The following RBFOX1 variants were observed in gnomAD, a reference collection of about 807,000 sequenced individuals.
The protein encoded by RBFOX1 is RNA binding fox-1 homolog 1.
RBFOX1 carries 8 observed loss-of-function variants against 57.7 expected under a neutral mutation model. That is an observed-to-expected ratio of 0.14 (90% CI 0.08 to 0.25). The LOEUF is 0.25. Ranked by LOEUF, RBFOX1 falls within the 10% of genes least tolerant of loss-of-function variation. RBFOX1 has a pLI of 1.00. For missense variants in RBFOX1, 611 were observed against 548.5 expected (o/e 1.11, Z -1.14); for synonymous variants, 326 against 222.4 (o/e 1.47, Z -4.15).
chr16:5,752,423 A>T (rs1168828722), intron 3 of RBFOX1, among the ~76,000 whole-genome samples: 1 of 152,222 alleles, frequency 6.6e-6, no homozygotes, highest in African/African-American at 2.4e-5. Context: ...GTATCCTTTA[A>T]CTTAAATGAG....
chr16:7,005,074 G>A (rs1210730636), intron 3 of RBFOX1, among the ~76,000 whole-genome samples: 3 of 152,162 alleles, frequency 2.0e-5, no homozygotes, highest in Admixed American at 1.3e-4. Flanking sequence ...AATCCAGGAG[G>A]CAGAAGTTGC....
intron 3 of RBFOX1, among the ~76,000 whole-genome samples, chr16:6,960,415 C>T (rs1242934054): frequency 1.3e-5 from 2 of 152,164 alleles, no homozygotes. Flanking sequence ...TTTCCCAGGC[C>T]TTCTCCCTGT....
chr16:7,653,520 A>G (rs1287237125), intron 11 of RBFOX1, among the ~76,000 whole-genome samples: 1 of 152,184 alleles, frequency 6.6e-6, no homozygotes, highest in East Asian at 1.9e-4. Context: ...AAACTCATTA[A>G]TTAAATACTC....
intron 1 of RBFOX1, among the ~76,000 whole-genome samples, chr16:6,210,745 A>C (rs1418147064): frequency 6.6e-6 from 1 of 152,142 alleles, no homozygotes; most frequent in Non-Finnish European, 1.5e-5. Flanking sequence ...AAGAAAAGAA[A>C]AGAAAAGAAA....
rs758130200 is a variant in RBFOX1, at chr16:7,607,320, A to G, written c.658A>G (p.Ser220Gly). 5 of 1,611,148 alleles carry G rather than the reference A, an allele frequency of 3.1e-6. No individual in the cohort carries two copies. The highest frequency in any genetic ancestry group is 4.2e-6 in the Non-Finnish European group (5 of 1,179,338). ...GAATCCAGTTGTGGGTGCAGTCTACAGTCCCGAATTCTATGCAGGTACAGA... is the reference window on the plus strand; with the variant it reads ...GAATCCAGTTGTGGGTGCAGTCTACGGTCCCGAATTCTATGCAGGTACAGA... ...KLNPVVGAVY[S>G]PEFYAGTVLL... The change falls in exon 10 of 16, where the codon AGT (serine) becomes GGT (glycine). Residue 220 changes from serine (S) to glycine (G), a missense_variant. By Grantham distance (56) the Ser-to-Gly change is moderately conservative. Transcript: ENST00000550418.
intron 1 of RBFOX1, among the ~76,000 whole-genome samples, chr16:6,132,287 C>G (rs1021520553): frequency 1.3e-5 from 2 of 151,132 alleles, no homozygotes; most frequent in African/African-American, 4.9e-5. Flanking sequence ...TTAGGTGGAG[C>G]TCTGTGACTA....
At chr16:5,729,818 T>C (rs977591539) in intron 3 of RBFOX1, among the ~76,000 whole-genome samples, 13 of 152,178 alleles carry the variant, frequency 8.5e-5, no homozygotes, top group Admixed American at 2.6e-4. Flanking sequence ...TTGGTGACTT[T>C]CATTGCCTTT....
intron 3 of RBFOX1, among the ~76,000 whole-genome samples, chr16:6,895,880 C>T (rs1481943752): frequency 6.6e-6 from 1 of 151,902 alleles, no homozygotes; most frequent in Non-Finnish European, 1.5e-5. Context: ...TAGTACTCAT[C>T]CTCTTATGTC....
At chr16:5,658,126 C>A (rs189492839) in intron 3 of RBFOX1, among the ~76,000 whole-genome samples, 3 of 152,240 alleles carry the variant, frequency 2.0e-5, no homozygotes, top group Admixed American at 2.0e-4. Context: ...AGTTGTTGAG[C>A]AAAGCAATGC....
intron 1 of RBFOX1, among the ~76,000 whole-genome samples, chr16:6,238,357 G>A (rs556570103): frequency 5.5e-4 from 84 of 152,108 alleles, no homozygotes; most frequent in African/African-American, 1.8e-3. Context: ...CATTACAGGC[G>A]CCCAGCAGCA....
chr16:6,054,774 A>C (rs376445430), intron 1 of RBFOX1, among the ~76,000 whole-genome samples: 57 of 152,076 alleles, frequency 3.7e-4, no homozygotes, highest in African/African-American at 1.3e-3. Flanking sequence ...TATATTGGCT[A>C]CTTTTTTTAT....
chr16:7,271,962 C>T (rs963311906), intron 4 of RBFOX1, among the ~76,000 whole-genome samples: 1 of 152,166 alleles, frequency 6.6e-6, no homozygotes, highest in African/African-American at 2.4e-5. Context: ...TGTGGTATCA[C>T]CACCTATTCC....
At chr16:6,377,778 A>G (rs1197327246) in intron 2 of RBFOX1, among the ~76,000 whole-genome samples, 3 of 152,356 alleles carry the variant, frequency 2.0e-5, no homozygotes, top group East Asian at 1.9e-4. Flanking sequence ...TCAGGAATGT[A>G]ATTTTAGATA....
chr16:7,061,095 C>G (rs2054122225), intron 4 of RBFOX1, among the ~76,000 whole-genome samples: 1 of 151,954 alleles, frequency 6.6e-6, no homozygotes, highest in Non-Finnish European at 1.5e-5. Flanking sequence ...TTGCTTTAAT[C>G]TTACATAACG....
intron 1 of RBFOX1, among the ~76,000 whole-genome samples, chr16:5,364,117 A>C (rs1258166312): frequency 6.6e-6 from 1 of 152,242 alleles, no homozygotes; most frequent in Non-Finnish European, 1.5e-5. Context: ...GAAGGTGTCA[A>C]AGGAGGTTTT....
chr16:7,653,720 G>C, intron 11 of RBFOX1, 95 bp from the exon 12 acceptor site: 2 of 1,554,222 alleles, frequency 1.3e-6, no homozygotes, highest in Non-Finnish European at 1.7e-6. Flanking sequence ...CTGGGACCCT[G>C]TGCAGGGACA....
chr16:6,415,955 C>G (rs989367259), intron 2 of RBFOX1, among the ~76,000 whole-genome samples: 1 of 152,160 alleles, frequency 6.6e-6, no homozygotes, highest in African/African-American at 2.4e-5. Context: ...TTGTTGTTTC[C>G]TTGTGCTTGT....
intron 3 of RBFOX1, among the ~76,000 whole-genome samples, chr16:7,015,134 TTC>T (rs1359648827): frequency 6.6e-6 from 1 of 152,214 alleles, no homozygotes; most frequent in Admixed American, 6.5e-5. Context: ...TCAGTTCATG[TTC>T]TCTTTTTCCT....
intron 4 of RBFOX1, among the ~76,000 whole-genome samples, chr16:7,462,351 C>G (rs979420264): frequency 6.6e-6 from 1 of 152,130 alleles, no homozygotes; most frequent in Non-Finnish European, 1.5e-5. Context: ...AAAAATTTGC[C>G]TGGTATGATG....
Sources: allele counts gnomAD v4.1 joint callset (sites outside exome capture counted in the v4.1 genomes callset), GRCh38; gene constraint gnomAD v4.1.1; transcripts MANE v1.5; gene names NCBI Gene and HGNC (gene_info 2026-07-23, HGNC 2026-07-21).